The following ATXN7L1 variants were observed in gnomAD, a reference collection of about 807,000 sequenced individuals.
ATXN7L1 encodes the protein ataxin-7-like protein 1.
A neutral mutation model predicts 70.8 loss-of-function variants in ATXN7L1; 15 were observed. The observed-to-expected ratio is 0.21, with a 90% confidence interval of 0.14 to 0.33. The LOEUF (loss-of-function observed/expected upper bound fraction) is 0.33. Ranked by LOEUF, ATXN7L1 falls within the 10% of genes least tolerant of loss-of-function variation. ATXN7L1 has a pLI of 1.00. For missense variants in ATXN7L1, 975 were observed against 1,097.1 expected (o/e 0.89, Z 1.57); for synonymous variants, 440 against 445.1 (o/e 0.99, Z 0.14).
chr7:105,637,578 C>T (rs774342978), intron 7 of ATXN7L1, among the ~76,000 whole-genome samples: 6 of 152,136 alleles, frequency 3.9e-5, no homozygotes, highest in Non-Finnish European at 7.4e-5. Flanking sequence ...GCTTATGGAG[C>T]GAGCACTCAA....
At chr7:105,864,747 C>T (rs1817161644) in intron 2 of ATXN7L1, among the ~76,000 whole-genome samples, 1 of 151,808 alleles carries the variant, frequency 6.6e-6, no homozygotes, top group Non-Finnish European at 1.5e-5. Flanking sequence ...AATTCTTCTG[C>T]CTCAGCCTCC....
intron 3 of ATXN7L1, among the ~76,000 whole-genome samples, chr7:105,694,579 C>T (rs1221190549): frequency 1.3e-5 from 2 of 152,202 alleles, no homozygotes; most frequent in East Asian, 3.8e-4. Context: ...TTTCTGATGT[C>T]CAATCCTGGG....
At chr7:105,780,859 G>A (rs989932998) in intron 3 of ATXN7L1, among the ~76,000 whole-genome samples, 6 of 152,136 alleles carry the variant, frequency 3.9e-5, no homozygotes, top group Non-Finnish European at 8.8e-5. Context: ...TTCTACATGC[G>A]GCTGTGATTC....
At chr7:105,811,114 C>T (rs1808364848) in intron 2 of ATXN7L1, among the ~76,000 whole-genome samples, 2 of 152,220 alleles carry the variant, frequency 1.3e-5, no homozygotes, top group South Asian at 2.1e-4. Context: ...TATTTGGAAA[C>T]AGCGTCTCTG....
intron 3 of ATXN7L1, among the ~76,000 whole-genome samples, chr7:105,765,794 C>T (rs1401791038): frequency 1.3e-5 from 2 of 152,108 alleles, no homozygotes; most frequent in East Asian, 1.9e-4. Flanking sequence ...TGTAAGAATC[C>T]GATCCATGCT....
intron 4 of ATXN7L1, chr7:105,649,401 A>G (rs1799537926): frequency 8.1e-6 from 8 of 987,624 alleles, no homozygotes; most frequent in Non-Finnish European, 9.6e-6. Flanking sequence ...TGGGGGCGAT[A>G]TCTACCTCTG....
chr7:105,774,591 A>G (rs1032766023), intron 3 of ATXN7L1, among the ~76,000 whole-genome samples: 5 of 151,976 alleles, frequency 3.3e-5, no homozygotes, highest in African/African-American at 1.2e-4. Flanking sequence ...GACCTCAAGT[A>G]ATCCACCTGC....
Position 105,614,813 on chromosome 7 carries a change from C to A in ATXN7L1, c.1521G>T (p.Lys507Asn). 6.5e-7 allele frequency: 1 copy of A among 1,548,718 alleles called. No individual in the cohort carries two copies. The change falls in exon 10 of 12, where the codon AAG becomes AAT. Residue 507 changes from lysine to asparagine, a missense_variant. Around this residue, in one of 5 missense-constraint regions of ATXN7L1, gnomAD observed 635 missense variants for 699.4 expected, o/e 0.91. Coordinates refer to ENST00000419735, the MANE Select transcript of ATXN7L1 (RefSeq NM_020725.2). The surrounding 1 kb of genome is among the most constrained non-coding windows in gnomAD (Gnocchi z 4.3). ...EKHLNSQMWK[K>N]IPPAADSPLP... ...GGGGGCTATCTGCCGCAGGAGGGATCTTCCTAAACATGAGAGAAGAGTGAA... is the reference window on the plus strand; with the variant it reads ...GGGGGCTATCTGCCGCAGGAGGGATATTCCTAAACATGAGAGAAGAGTGAA...
Position 105,614,377 on chromosome 7 carries a change from A to T in ATXN7L1, c.1957T>A (p.Ser653Thr), listed in dbSNP as rs1264928769. 7.1e-6 allele frequency: 11 copies of T among 1,552,158 alleles called. No homozygotes were observed. Among genetic ancestry groups the T allele is most frequent in the Non-Finnish European group, 8.7e-6 (10 of 1,147,146 alleles). Residue 653 changes from serine (S) to threonine (T), a missense_variant, in exon 10 of 12, where the codon TCC becomes ACC. Ser to Thr is a moderately conservative substitution (Grantham distance 58, BLOSUM62 1). This residue lies in a region of ATXN7L1 where 635 missense variants were observed against 699.4 expected (regional missense o/e 0.91). Transcript: ENST00000419735. The surrounding 1 kb of genome is among the most constrained non-coding windows in gnomAD (Gnocchi z 4.3). Reference protein sequence around the residue: ...KKRKPQSSTSSSSSSSSSSLQ... With the variant: ...KKRKPQSSTSTSSSSSSSSLQ... ...GAAGAGGAGGAGGAGGAGGAGGAGG[A>T]GGAAGTCGAAGACTGTGGCTTCCTT...
chr7:105,859,001 C>A (rs12535473), intron 2 of ATXN7L1, among the ~76,000 whole-genome samples: 9,713 of 151,750 alleles, frequency 0.064, 532 homozygotes, highest in East Asian at 0.26. Flanking sequence ...AAATGCAGTA[C>A]ATGAACCATA....
At chr7:105,745,198 CA>C (rs975464268) in intron 3 of ATXN7L1, among the ~76,000 whole-genome samples, 1 of 151,742 alleles carries the variant, frequency 6.6e-6, no homozygotes, top group African/African-American at 2.4e-5. Context: ...TACAGTTTTG[CA>C]ACTTACTCTC....
chr7:105,645,300 CTA>C (rs1798819381), intron 4 of ATXN7L1, among the ~76,000 whole-genome samples: 1 of 151,792 alleles, frequency 6.6e-6, no homozygotes, highest in Non-Finnish European at 1.5e-5. Flanking sequence ...CATGTACAAA[CTA>C]AAAAAAAATG....
chr7:105,658,145 T>C (rs1800978753), intron 4 of ATXN7L1, among the ~76,000 whole-genome samples: 4 of 151,774 alleles, frequency 2.6e-5, no homozygotes, highest in Admixed American at 6.6e-5. Flanking sequence ...CATTTCGTCA[T>C]GCTAACATTG....
intron 3 of ATXN7L1, among the ~76,000 whole-genome samples, chr7:105,721,082 C>G (rs1475160415): frequency 6.6e-6 from 1 of 152,182 alleles, no homozygotes; most frequent in African/African-American, 2.4e-5. Flanking sequence ...CAACCACGAC[C>G]ACCCAACACC....
At position 105,665,185 on chromosome 7, in the gene ATXN7L1, G is replaced by A. The variant is rs1562972012; in HGVS notation, c.459C>T (p.Ser153=). The A allele has an allele frequency of 3.9e-6, 6 of 1,551,574 alleles. No homozygotes were observed. Among genetic ancestry groups the A allele is most frequent in the Middle Eastern group, 1.7e-4 (1 of 6,010 alleles). The change falls in exon 4 of 12, where the codon AGC becomes AGT. Residue 153 remains serine (S), a synonymous_variant. Transcript: ENST00000419735. ...AGGTGCTGCTGGCAGAGTGATGGCC[G>A]CTGAGACAGGCTTTTGTTTTCACCT... ...LVQVKTKACL[S]GHHSASSTSK...
intron 2 of ATXN7L1, among the ~76,000 whole-genome samples, chr7:105,858,203 C>T (rs1207875532): frequency 6.6e-6 from 1 of 152,090 alleles, no homozygotes; most frequent in Non-Finnish European, 1.5e-5. Flanking sequence ...TGCACTTCAG[C>T]CTGGGCAACA....
At position 105,799,789 on chromosome 7, in the gene ATXN7L1, C is replaced by T. The variant is rs150224889; in HGVS notation, c.251-11081G>A. ...GGAACTGTGTAATGTCCCTGGGAAT[C>T]GGTGTTCAAAGCACTCCAGCCACTG... On this transcript the variant is annotated intron_variant, in intron 2 of 11. Coordinates refer to ENST00000419735, the MANE Select transcript of ATXN7L1 (RefSeq NM_020725.2). Among the ~76,000 whole-genome samples the T allele has an allele frequency of 6.6e-5, 10 of 152,206 alleles. No homozygotes were observed. The East Asian group carries it at 7.7e-4, about 12-fold the overall frequency.
chr7:105,624,182 C>T lies in ATXN7L1; in HGVS notation c.1288G>A (p.Gly430Ser). The change falls in exon 8 of 12, where the codon GGT (glycine) becomes AGT (serine). Residue 430 changes from glycine to serine, a missense_variant. Around this residue, in one of 5 missense-constraint regions of ATXN7L1, gnomAD observed 635 missense variants for 699.4 expected, o/e 0.91. Transcript: ENST00000419735. The part of the protein sequence containing the change: ...TPEPPLPPVG[G>S]DLASRLSSDE... The stretch of plus-strand genomic sequence containing the variant: ...CTGGACAGTCGGCTGGCGAGGTCAC[C>T]TCCAACCGGTGGGAGTGGGGGCTCT... 6.5e-7 allele frequency: 1 copy of T among 1,530,994 alleles called. No individual in the cohort carries two copies. The highest frequency in any genetic ancestry group is 1.2e-5 in the South Asian group (1 of 81,336). 94.8% of individuals were successfully genotyped at this position (1,530,994 alleles called of 1,614,324 possible).
chr7:105,829,794 C>CA (rs1811350519), intron 2 of ATXN7L1, among the ~76,000 whole-genome samples: 1 of 152,190 alleles, frequency 6.6e-6, no homozygotes, highest in Non-Finnish European at 1.5e-5. Context: ...ACATTCCAAG[C>CA]AAAATCACAA....
Sources: allele counts gnomAD v4.1 joint callset (sites outside exome capture counted in the v4.1 genomes callset), GRCh38; gene constraint gnomAD v4.1.1; regional missense constraint gnomAD v4.1.1; non-coding constraint Gnocchi (gnomAD v3.1); transcripts MANE v1.5; gene names NCBI Gene and HGNC (gene_info 2026-07-23, HGNC 2026-07-21).